Variants in RALYL observed in about 807,000 individuals in gnomAD.
The protein encoded by RALYL is RALY RNA binding protein like.
In RALYL, 29 loss-of-function variants were observed where a neutral mutation model predicts 35.1. That is an observed-to-expected ratio of 0.83 (90% confidence interval 0.61 to 1.13). The LOEUF (loss-of-function observed/expected upper bound fraction) is 1.13, where lower values mean the gene tolerates loss of function less well. Ranked by LOEUF, RALYL falls within the 50% of genes most tolerant of loss-of-function variation. RALYL has a pLI of 0.00. For synonymous variants in RALYL, 120 were observed against 127.6 expected, an observed-to-expected ratio of 0.94 and a Z score of 0.40; for missense variants, 359 against 360.4, an observed-to-expected ratio of 1.00 and a Z score of 0.03.
At chr8:84,464,285 T>TC (rs1025406290) in intron 1 of RALYL, among the ~76,000 whole-genome samples, 3 of 152,000 alleles carry the variant, frequency 2.0e-5, no homozygotes, top group African/African-American at 7.3e-5. Context: ...ATGCTATCCC[T>TC]CCCCCGTACC....
intron 1 of RALYL, among the ~76,000 whole-genome samples, chr8:84,290,971 C>CTCTT (rs10637537): frequency 0.61 from 92,381 of 151,450 alleles, 28,912 homozygotes; most frequent in African/African-American, 0.73. Context: ...TCTTTCAGAT[C>CTCTT]TCTTTTCCAT....
intron 2 of RALYL, among the ~76,000 whole-genome samples, chr8:84,755,692 CAT>C (rs1199254130): frequency 1.3e-5 from 2 of 151,744 alleles, no homozygotes; most frequent in African/African-American, 2.4e-5. Context: ...AATATTTAAT[CAT>C]ATATATATTA....
intron 2 of RALYL, among the ~76,000 whole-genome samples, chr8:84,713,358 C>T (rs933963395): frequency 6.6e-6 from 1 of 151,766 alleles, no homozygotes; most frequent in Admixed American, 6.6e-5. Context: ...ACTCAAACAG[C>T]TCAATAGCAA....
chr8:84,698,986 C>T (rs1238327756), intron 2 of RALYL, among the ~76,000 whole-genome samples: 2 of 148,694 alleles, frequency 1.3e-5, no homozygotes, highest in South Asian at 2.1e-4. Flanking sequence ...AACCCTGTGG[C>T]TTTTAAGATA....
At chr8:84,572,976 A>C (rs1052484850) in intron 2 of RALYL, among the ~76,000 whole-genome samples, 1 of 151,486 alleles carries the variant, frequency 6.6e-6, no homozygotes, top group Admixed American at 6.6e-5. Flanking sequence ...TAAAATTTGC[A>C]ACTTTATATA....
intron 1 of RALYL, among the ~76,000 whole-genome samples, chr8:84,507,604 G>GT (rs911253273): frequency 1.3e-5 from 2 of 152,088 alleles, no homozygotes; most frequent in Non-Finnish European, 1.5e-5. Flanking sequence ...GTTTTTGTTT[G>GT]CTCCTTGTTG....
At chr8:84,685,975 A>T (rs900840414) in intron 2 of RALYL, among the ~76,000 whole-genome samples, 1 of 152,144 alleles carries the variant, frequency 6.6e-6, no homozygotes, top group Admixed American at 6.6e-5. Context: ...CACCCAGTGA[A>T]TGGAGAGAGC....
chr8:84,296,355 G>A (rs114099737), intron 1 of RALYL, among the ~76,000 whole-genome samples: 1,673 of 152,108 alleles, frequency 0.011, 31 homozygotes, highest in African/African-American at 0.038. Flanking sequence ...AAGACTAAAA[G>A]GTTCCCAAGA....
chr8:84,512,892 G>C (rs2057742083), intron 1 of RALYL, among the ~76,000 whole-genome samples: 1 of 152,028 alleles, frequency 6.6e-6, no homozygotes, highest in South Asian at 2.1e-4. Context: ...CTATATGTGT[G>C]TTTTTATACC....
In RALYL at chr8:84,309,173, G is replaced by A. The variant is rs576721637; in HGVS notation, c.-24+124749G>A. On this transcript the variant is annotated intron_variant, in intron 1 of 8. Coordinates refer to ENST00000521268, the MANE Select transcript of RALYL (RefSeq NM_173848.7). ...CTTTAATTTGCCTGTCTTAGACCAT[G>A]ATAGATTTAAACAAACAAAATTTAA... Among the ~76,000 whole-genome samples, 16 of 151,294 alleles carry A rather than the reference G, an allele frequency of 1.1e-4. No homozygotes were observed. The East Asian group carries it at 2.5e-3, about 24-fold the overall frequency.
At chr8:84,333,706 C>T (rs1404928520) in intron 1 of RALYL, among the ~76,000 whole-genome samples, 1 of 152,098 alleles carries the variant, frequency 6.6e-6, no homozygotes, top group Non-Finnish European at 1.5e-5. Context: ...ATAATTGAGT[C>T]ACACAGCTTA....
At chr8:84,418,885 T>C (rs913294921) in intron 1 of RALYL, among the ~76,000 whole-genome samples, 3 of 152,146 alleles carry the variant, frequency 2.0e-5, no homozygotes, top group African/African-American at 7.2e-5. Flanking sequence ...GATTTTTTTT[T>C]CCATTTTATC....
intron 2 of RALYL, among the ~76,000 whole-genome samples, chr8:84,548,806 A>G (rs527721131): frequency 1.7e-4 from 26 of 151,166 alleles, no homozygotes; most frequent in Admixed American, 8.6e-4. Flanking sequence ...TTCTTTTTGG[A>G]CCTAATTTGC....
At chr8:84,904,841 T>A (rs1214393098) in intron 8 of RALYL, among the ~76,000 whole-genome samples, 1 of 152,114 alleles carries the variant, frequency 6.6e-6, no homozygotes, top group Non-Finnish European at 1.5e-5. Flanking sequence ...ATGTTGCCTC[T>A]GTTCACTGTG....
At chr8:84,900,507 T>C (rs1845488604) in intron 8 of RALYL, among the ~76,000 whole-genome samples, 1 of 151,996 alleles carries the variant, frequency 6.6e-6, no homozygotes, top group Admixed American at 6.6e-5. Flanking sequence ...AGAAACCCTG[T>C]CTCTATGAAA....
At chr8:84,572,274 C>T (rs543795683) in intron 2 of RALYL, among the ~76,000 whole-genome samples, 225 of 151,692 alleles carry the variant, frequency 1.5e-3, no homozygotes, top group Admixed American at 2.7e-3. Context: ...CTTCTAAATA[C>T]TGCATTTAGG....
At chr8:84,387,742 A>G (rs1859553242) in intron 1 of RALYL, among the ~76,000 whole-genome samples, 1 of 151,258 alleles carries the variant, frequency 6.6e-6, no homozygotes, top group Non-Finnish European at 1.5e-5. Flanking sequence ...CAGCAATTCC[A>G]GAATCTCCTT....
At chr8:84,733,268 C>A (rs1443617151) in intron 2 of RALYL, among the ~76,000 whole-genome samples, 3 of 152,106 alleles carry the variant, frequency 2.0e-5, no homozygotes, top group South Asian at 2.1e-4. Flanking sequence ...AGTTCTGTCA[C>A]CTGTCATCAG....
At chr8:84,787,485 T>C (rs920923213) in intron 3 of RALYL, among the ~76,000 whole-genome samples, 80 of 152,186 alleles carry the variant, frequency 5.3e-4, no homozygotes, top group African/African-American at 1.9e-3. Context: ...TAAACATACA[T>C]GCGCATGTGT....
Sources: allele counts gnomAD v4.1 joint callset (sites outside exome capture counted in the v4.1 genomes callset), GRCh38; gene constraint gnomAD v4.1.1; transcripts MANE v1.5; gene names NCBI Gene and HGNC (gene_info 2026-07-23, HGNC 2026-07-21).